Variants in EPC1 observed in about 807,000 individuals in gnomAD.
EPC1 encodes the protein enhancer of polycomb 1.
A neutral mutation model predicts 98.4 loss-of-function variants in EPC1; 12 were observed. The observed-to-expected ratio is 0.12, with a 90% CI of 0.08 to 0.20. The LOEUF (loss-of-function observed/expected upper bound fraction) is 0.20. Among genes scored for constraint, EPC1 ranks in the 10% least tolerant of loss-of-function variants. The pLI, the probability that EPC1 is intolerant of heterozygous loss-of-function variation, is 1.00. For synonymous variants in EPC1, 357 were observed against 363.9 expected, an observed-to-expected ratio of 0.98 and a Z score of 0.21; for missense variants, 729 against 990.5, an observed-to-expected ratio of 0.74 and a Z score of 3.54.
At chr10:32,304,121 C>T (rs570528630) in intron 2 of EPC1, among the ~76,000 whole-genome samples, 77 of 152,142 alleles carry the variant, frequency 5.1e-4, no homozygotes, top group African/African-American at 1.8e-3. Context: ...GAGTCAATTC[C>T]TTTTTCAATA....
At chr10:32,277,868 C>T (rs1213092194) in intron 10 of EPC1, among the ~76,000 whole-genome samples, 2 of 151,986 alleles carry the variant, frequency 1.3e-5, no homozygotes, top group African/African-American at 4.8e-5. Context: ...CTGCGCCCGG[C>T]CTAAGACTCT....
intron 10 of EPC1, chr10:32,282,091 A>G (rs1836439599): frequency 6.6e-6 from 1 of 152,198 alleles, no homozygotes; most frequent in Non-Finnish European, 1.5e-5. Context: ...GGTCTCTGGA[A>G]TATTCACAAA....
rs537372432 is a variant in EPC1, at chr10:32,304,996, A to C, written c.313+776T>G. ...AGATTAACAAGACAATGAAAGCTGC[A>C]GGAATTTTACCTTACTAACCTTTCA... On this transcript the variant is annotated intron_variant, in intron 2 of 13. Transcript: ENST00000319778. Among the ~76,000 whole-genome samples the C allele has an allele frequency of 3.3e-5, 5 of 152,232 alleles. No homozygotes were observed. In the South Asian group the frequency reaches 8.3e-4, roughly 25 times the overall value.
chr10:32,357,717 T>G (rs1164788131), intron 1 of EPC1, among the ~76,000 whole-genome samples: 1 of 151,524 alleles, frequency 6.6e-6, no homozygotes, highest in East Asian at 1.9e-4. Flanking sequence ...GCCTCAGCCT[T>G]CTAAAGTGCT....
At chr10:32,289,292 C>T (rs1403654996) in intron 6 of EPC1, among the ~76,000 whole-genome samples, 1 of 150,862 alleles carries the variant, frequency 6.6e-6, no homozygotes, top group Non-Finnish European at 1.5e-5. Flanking sequence ...TCTACTCTCC[C>T]TCCCACCCTC....
At chr10:32,293,946 C>T (rs1278102818) in intron 2 of EPC1, among the ~76,000 whole-genome samples, 4 of 152,088 alleles carry the variant, frequency 2.6e-5, no homozygotes, top group South Asian at 2.1e-4. Flanking sequence ...TATGAATATA[C>T]ATATAAGTAA....
At chr10:32,354,904 C>T (rs1352546985) in intron 1 of EPC1, among the ~76,000 whole-genome samples, 1 of 152,186 alleles carries the variant, frequency 6.6e-6, no homozygotes, top group African/African-American at 2.4e-5. Context: ...GATGATCTGT[C>T]ACTGCCTCCC....
chr10:32,286,901 T>C, intron 8 of EPC1, 25 bp downstream of exon 8: 1 of 1,610,272 alleles, frequency 6.2e-7, no homozygotes, highest in Non-Finnish European at 8.5e-7. Flanking sequence ...TAGTTTGTTA[T>C]TTACAAAGAC....
chr10:32,322,503 C>G (rs1189417407), intron 1 of EPC1, among the ~76,000 whole-genome samples: 1 of 152,120 alleles, frequency 6.6e-6, no homozygotes, highest in African/African-American at 2.4e-5. Context: ...AACAAAGTAT[C>G]AAGTAGACTA....
intron 5 of EPC1, 178 bp downstream of exon 5, chr10:32,292,318 A>G (rs1834893897): frequency 2.3e-6 from 1 of 429,170 alleles, no homozygotes. Context: ...AGTCACTTTT[A>G]AAGAAAATAG....
At chr10:32,300,331 GTGT>G (rs1481892729) in intron 2 of EPC1, among the ~76,000 whole-genome samples, 5 of 151,810 alleles carry the variant, frequency 3.3e-5, no homozygotes, top group African/African-American at 1.2e-4. Context: ...TGCCATGTTG[GTGT>G]GCTGCACCCA....
chr10:32,273,320 AGCT>A, intron 10 of EPC1, 39 bp from the exon 11 acceptor site: 6 of 1,601,306 alleles, frequency 3.7e-6, no homozygotes, highest in Non-Finnish European at 5.1e-6. Context: ...AAAAATGCCC[AGCT>A]GTCATGTATG....
At chr10:32,284,431 T>C in intron 10 of EPC1, 1 of 313,498 alleles carries the variant, frequency 3.2e-6, no homozygotes, top group Non-Finnish European at 5.8e-6. Flanking sequence ...AATCTTGTGG[T>C]TCACGGACTA....
chr10:32,311,218 C>T (rs1231009594), intron 1 of EPC1, among the ~76,000 whole-genome samples: 3 of 151,666 alleles, frequency 2.0e-5, no homozygotes, highest in Non-Finnish European at 2.9e-5. Context: ...GAGGCTGAGG[C>T]AGGAGAATGG....
intron 1 of EPC1, among the ~76,000 whole-genome samples, chr10:32,310,766 C>T (rs1053639255): frequency 1.3e-5 from 2 of 151,744 alleles, no homozygotes; most frequent in Admixed American, 6.6e-5. Context: ...CCCAGCTACT[C>T]GGGAGGCTGA....
At chr10:32,287,487 T>C (rs1221068960) in intron 6 of EPC1, among the ~76,000 whole-genome samples, 1 of 152,168 alleles carries the variant, frequency 6.6e-6, no homozygotes, top group Non-Finnish European at 1.5e-5. Context: ...CTAAACATAA[T>C]CACACAAATG....
intron 2 of EPC1, among the ~76,000 whole-genome samples, chr10:32,294,082 C>T (rs986421686): frequency 6.6e-6 from 1 of 152,132 alleles, no homozygotes; most frequent in African/African-American, 2.4e-5. Flanking sequence ...ATTTTTATAG[C>T]TCAAAAATCA....
chr10:32,334,981 C>T lies in EPC1; in HGVS notation c.153+11782G>A, dbSNP rs994108543. ...TCCATTTTCTGAGCCCTGAAACAAC[C>T]GTGCTGTACAAAAATCCTTCATTGT... On this transcript the variant is annotated intron_variant, in intron 1 of 13. Transcript: ENST00000319778. Among the ~76,000 whole-genome samples, 4 of 152,248 alleles carry T rather than the reference C, an allele frequency of 2.6e-5. No homozygotes were observed. The East Asian group carries it at 5.8e-4, about 22-fold the overall frequency.
At chr10:32,339,306 GGCATGTGGAA>G (rs2133020159) in intron 1 of EPC1, among the ~76,000 whole-genome samples, 1 of 152,254 alleles carries the variant, frequency 6.6e-6, no homozygotes, top group East Asian at 1.9e-4. Context: ...GAAAACCTGG[GGCATGTGGAA>G]GCAGAGCTAG....
Sources: gnomAD v4.1 joint callset for allele counts (sites outside exome capture counted in the v4.1 genomes callset) on GRCh38, gnomAD v4.1.1 for gene constraint, MANE v1.5 for transcripts, NCBI Gene and HGNC (gene_info 2026-07-23, HGNC 2026-07-21) for gene names.